Variants in KIAA0753 observed in about 807,000 individuals in gnomAD.
KIAA0753 encodes the protein protein moonraker.
A neutral mutation model predicts 116.9 loss-of-function variants in KIAA0753; 114 were observed. The ratio of observed to expected loss-of-function variants is 0.98; its 90% confidence interval spans 0.84 to 1.14. The LOEUF is 1.14. Among genes scored for constraint, KIAA0753 ranks in the 50% most tolerant of loss-of-function variants. The pLI is 0.00. For synonymous variants in KIAA0753, 405 were observed against 413.1 expected (o/e 0.98, Z 0.24); for missense variants, 1,156 against 1,172.4 (o/e 0.99, Z 0.20).
intron 1 of KIAA0753, chr17:6,636,334 G>C (rs1321818940): frequency 1.3e-5 from 2 of 152,182 alleles, no homozygotes; most frequent in African/African-American, 4.8e-5. Flanking sequence ...TGGGTGGCTG[G>C]AGTTGCAGAA....
At chr17:6,628,814 C>A in intron 2 of KIAA0753, 73 bp from the exon 3 acceptor site, 2 of 1,460,670 alleles carry the variant, frequency 1.4e-6, no homozygotes, top group South Asian at 1.4e-5. Context: ...TGTCTATAAT[C>A]AAATTTCTAA....
In KIAA0753 at chr17:6,628,724, A is replaced by G; in HGVS notation, c.111T>C (p.Asn37=). ...VLQTQNQLQF[N]RNVPTHSSNL... ...TGCTTGAATGTGTAGGAACATTCCT[A>G]TTAAACTGCAGCTGGTTCTTTAAAA... Residue 37 remains asparagine (N), a synonymous_variant, in exon 3 of 19, where the codon AAT becomes AAC. Transcript: ENST00000361413. 6.3e-7 allele frequency: 1 copy of G among 1,593,402 alleles called. No individual in the cohort carries two copies.
chr17:6,590,955 T>G (rs1968951800), intron 16 of KIAA0753, among the ~76,000 whole-genome samples: 1 of 148,192 alleles, frequency 6.7e-6, no homozygotes, highest in Non-Finnish European at 1.5e-5. Context: ...AGCAATTGGG[T>G]TTTTTAACCT....
intron 18 of KIAA0753, among the ~76,000 whole-genome samples, chr17:6,582,864 C>T (rs565126331): frequency 8.5e-5 from 13 of 152,140 alleles, no homozygotes; most frequent in African/African-American, 2.4e-4. Context: ...CCTTAGAATA[C>T]GAACTCTATT....
chr17:6,632,328 T>C (rs962971080), intron 2 of KIAA0753, among the ~76,000 whole-genome samples: 3 of 152,134 alleles, frequency 2.0e-5, no homozygotes, highest in African/African-American at 4.8e-5. Context: ...AAAATAAATA[T>C]CTGCACATCA....
At chr17:6,633,107 A>T (rs1052774139) in intron 2 of KIAA0753, among the ~76,000 whole-genome samples, 1 of 152,284 alleles carries the variant, frequency 6.6e-6, no homozygotes, top group Middle Eastern at 3.4e-3. Context: ...TCAGGAAAAA[A>T]ATACTTAGAG....
rs1567545561 is a variant in KIAA0753 at position 6,595,057 on chromosome 17, T to C, written c.2359-4A>G. The C allele has an allele frequency of 6.5e-7, 1 of 1,534,646 alleles. No homozygotes were observed. Among genetic ancestry groups the C allele is most frequent in the Non-Finnish European group, 8.9e-7 (1 of 1,123,090 alleles). The stretch of plus-strand genomic sequence containing the variant: ...GACGAACAGACTCCTGGTATTTCTT[T>C]AAAAAAAAAGAAAAAAGTTTAATTT... On this transcript the variant is annotated splice_polypyrimidine_tract_variant and splice_region_variant and intron_variant, in intron 15 of 18. Coordinates refer to ENST00000361413, the MANE Select transcript of KIAA0753 (RefSeq NM_014804.3).
At position 6,608,483 on chromosome 17, in the gene KIAA0753, C is replaced by T; in HGVS notation, c.1713-19G>A. The T allele has an allele frequency of 7.2e-7, 1 of 1,394,206 alleles. No individual in the cohort carries two copies. The highest frequency in any genetic ancestry group is 9.8e-7 in the Non-Finnish European group (1 of 1,024,150). 86.4% of individuals were successfully genotyped at this position (1,394,206 alleles called of 1,614,324 possible). On this transcript the variant is annotated intron_variant, in intron 9 of 18. Transcript: ENST00000361413. ...TGCAGCACTGAAATAAATGGAAAAG[C>T]ATACCTTTGTCATCATTCACTCCGT...
intron 7 of KIAA0753, among the ~76,000 whole-genome samples, chr17:6,613,058 T>C (rs1231707617): frequency 6.6e-6 from 1 of 152,158 alleles, no homozygotes; most frequent in Non-Finnish European, 1.5e-5. Context: ...AAAGAGACTT[T>C]ACAGACAAAC....
At chr17:6,605,090 A>G (rs1227629538) in intron 12 of KIAA0753, among the ~76,000 whole-genome samples, 1 of 91,728 alleles carries the variant, frequency 1.1e-5, no homozygotes, top group Non-Finnish European at 2.1e-5. Context: ...TCTAACTTGA[A>G]AAAAAAAAAA....
rs201152214 is a variant in KIAA0753 at position 6,632,551 on chromosome 17, T to C, written c.93+2460A>G. Among the ~76,000 whole-genome samples the C allele has an allele frequency of 2.0e-5, 3 of 152,280 alleles. No individual in the cohort carries two copies. In the East Asian group the frequency reaches 5.8e-4, roughly 29 times the overall value. On this transcript the variant is annotated intron_variant, in intron 2 of 18. Coordinates refer to ENST00000361413, the MANE Select transcript of KIAA0753 (RefSeq NM_014804.3). ...ATTCAGGCAAAAATGCTAAAAGTAG[T>C]TGGTGAAAGTTTGAGGTGTTAAAAA...
intron 2 of KIAA0753, among the ~76,000 whole-genome samples, chr17:6,634,393 C>T (rs989694455): frequency 7.2e-5 from 11 of 152,096 alleles, no homozygotes; most frequent in East Asian, 5.8e-4. Flanking sequence ...CGTGAGCCAC[C>T]GCATCTGGCC....
rs1016598575 is a variant in KIAA0753 at position 6,623,708 on chromosome 17, C to T, written c.826-137G>A. On this transcript the variant is annotated intron_variant, in intron 4 of 18. Transcript: ENST00000361413. ...AAGTCACTTGAAAATGAAAAAAAGG[C>T]TCTTCATTCATGCACCCAAAAAACA... The T allele has an allele frequency of 5.4e-6, 7 of 1,285,816 alleles. No homozygotes were observed. The Middle Eastern group carries it at 8.3e-4, about 152-fold the overall frequency. The allele number at this position is 1,285,816 out of a possible 1,614,324, so 79.7% of individuals were successfully genotyped here.
Position 6,590,744 on chromosome 17 carries a change from C to T in KIAA0753, c.2441-114G>A, listed in dbSNP as rs558856151. The T allele has an allele frequency of 1.4e-4, 157 of 1,098,214 alleles. No homozygotes were observed. The African/African-American group carries it at 2.2e-3, about 15-fold the overall frequency. 68.0% of individuals were successfully genotyped at this position (1,098,214 alleles called of 1,614,324 possible). ...AAGTTACATGGACATCTCTTAAGCA[C>T]GACAGGGTTGGCTAGCAGTGCAATG... On this transcript the variant is annotated intron_variant, in intron 16 of 18. Transcript: ENST00000361413.
chr17:6,596,404 T>C, intron 14 of KIAA0753, 61 bp from the exon 15 acceptor site: 1 of 1,282,700 alleles, frequency 7.8e-7, no homozygotes. Context: ...GGGAAGGTGA[T>C]ATAATGAAAA....
rs1212024665 is a variant in KIAA0753, at chr17:6,623,118, AGAAGT to A, written c.889-26_889-22del. ...CATGACTGGTAATAAACAAGATGAGAGAAGTTATTTCCATACTCAGAACTTGCTAA... is the reference window on the plus strand; with the variant it reads ...CATGACTGGTAATAAACAAGATGAGATATTTCCATACTCAGAACTTGCTAA... On this transcript the variant is annotated intron_variant, in intron 5 of 18. Coordinates refer to ENST00000361413, the MANE Select transcript of KIAA0753 (RefSeq NM_014804.3). 3 of 1,594,148 alleles carry A rather than the reference AGAAGT, an allele frequency of 1.9e-6. No homozygotes were observed. In the African/African-American group the frequency reaches 4.0e-5, roughly 21 times the overall value.
At chr17:6,625,116 C>T (rs963881454) in intron 3 of KIAA0753, among the ~76,000 whole-genome samples, 1 of 152,130 alleles carries the variant, frequency 6.6e-6, no homozygotes, top group African/African-American at 2.4e-5. Flanking sequence ...GCCAGAATTC[C>T]CACTGGACAG....
intron 8 of KIAA0753, among the ~76,000 whole-genome samples, chr17:6,611,652 G>A (rs1173023778): frequency 6.6e-6 from 1 of 152,178 alleles, no homozygotes; most frequent in East Asian, 1.9e-4. Flanking sequence ...AAAAAAAACT[G>A]AATTTTAAAA....
intron 18 of KIAA0753, among the ~76,000 whole-genome samples, chr17:6,581,018 T>C (rs1968143012): frequency 6.6e-6 from 1 of 152,176 alleles, no homozygotes; most frequent in Admixed American, 6.5e-5. Context: ...GGTACAATTA[T>C]AACAATTATA....
Sources: allele counts gnomAD v4.1 joint callset (sites outside exome capture counted in the v4.1 genomes callset), GRCh38; gene constraint gnomAD v4.1.1; transcripts MANE v1.5; gene names NCBI Gene and HGNC (gene_info 2026-07-23, HGNC 2026-07-21).